Variants in SLCO1A2 observed in about 807,000 individuals in gnomAD.
SLCO1A2 encodes OATP-1.
In SLCO1A2, 67 loss-of-function variants were observed where a neutral mutation model predicts 69.0. That is an observed-to-expected ratio of 0.97 (90% CI 0.80 to 1.19). The LOEUF (loss-of-function observed/expected upper bound fraction) is 1.19, where lower values mean the gene tolerates loss of function less well. Among genes scored for constraint, SLCO1A2 ranks in the 50% most tolerant of loss-of-function variants. The pLI is 0.00. For synonymous variants in SLCO1A2, 260 were observed against 265.9 expected, an observed-to-expected ratio of 0.98 and a Z score of 0.22; for missense variants, 787 against 793.7, an observed-to-expected ratio of 0.99 and a Z score of 0.10.
intron 2 of SLCO1A2, among the ~76,000 whole-genome samples, chr12:21,372,024 A>G (rs1320422309): frequency 1.3e-5 from 2 of 152,086 alleles, no homozygotes; most frequent in Non-Finnish European, 2.9e-5. Flanking sequence ...AAAAAAAAAG[A>G]AAGAGAGAAA....
chr12:21,304,135 A>C (rs1949059599), intron 6 of SLCO1A2, among the ~76,000 whole-genome samples: 1 of 152,190 alleles, frequency 6.6e-6, no homozygotes, highest in Non-Finnish European at 1.5e-5. Context: ...AAACATTTGC[A>C]AATCTCTTAA....
chr12:21,355,504 G>A (rs1938296399), intron 2 of SLCO1A2, among the ~76,000 whole-genome samples: 1 of 152,150 alleles, frequency 6.6e-6, no homozygotes, highest in South Asian at 2.1e-4. Context: ...ACAAGGCCTA[G>A]GATCTGGGAG....
At chr12:21,377,683 T>G (rs761922595) in intron 1 of SLCO1A2, among the ~76,000 whole-genome samples, 32 of 152,200 alleles carry the variant, frequency 2.1e-4, no homozygotes, top group Non-Finnish European at 4.0e-4. Context: ...ACTAGCTTCT[T>G]TCACTCAACC....
In SLCO1A2 at chr12:21,275,421, A is replaced by G; in HGVS notation, c.1614T>C (p.Cys538=). 3 of 1,486,160 alleles carry G rather than the reference A, an allele frequency of 2.0e-6. No individual in the cohort carries two copies. Among genetic ancestry groups the G allele is most frequent in the Non-Finnish European group, 2.7e-6 (3 of 1,105,444 alleles). 92.1% of individuals were successfully genotyped at this position (1,486,160 alleles called of 1,614,324 possible). Reference sequence around the variant, plus strand: ...CAAGGGACTTCTCTTCAGATTTCATACACCTGAAAAGTAAATAAGTTTGTA... The same window carrying G: ...CAAGGGACTTCTCTTCAGATTTCATGCACCTGAAAAGTAAATAAGTTTGTA... ...AIPGYMVLLR[C]MKSEEKSLGV... Residue 538 remains cysteine, a synonymous_variant, in exon 13 of 15, where the codon TGT becomes TGC. Transcript: ENST00000683939.
At chr12:21,311,407 T>C (rs1468346272) in intron 4 of SLCO1A2, among the ~76,000 whole-genome samples, 1 of 152,034 alleles carries the variant, frequency 6.6e-6, no homozygotes, top group Non-Finnish European at 1.5e-5. Context: ...CTTAGATCCA[T>C]CAGAAGAATC....
At chr12:21,411,290 T>C (rs1343790567) in intron 1 of SLCO1A2, among the ~76,000 whole-genome samples, 2 of 152,180 alleles carry the variant, frequency 1.3e-5, no homozygotes, top group Non-Finnish European at 2.9e-5. Flanking sequence ...CTACCTGGAG[T>C]TTATTTTTTG....
intron 6 of SLCO1A2, among the ~76,000 whole-genome samples, chr12:21,302,373 T>C (rs1204210754): frequency 1.3e-5 from 2 of 152,216 alleles, no homozygotes; most frequent in African/African-American, 4.8e-5. Flanking sequence ...AGAGTTTCAT[T>C]AAACTATACA....
At chr12:21,282,523 C>G (rs1483016986) in intron 12 of SLCO1A2, among the ~76,000 whole-genome samples, 1 of 152,066 alleles carries the variant, frequency 6.6e-6, no homozygotes, top group Admixed American at 6.6e-5. Context: ...ATTCTGTAAT[C>G]TGGGACATAA....
At chr12:21,404,572 C>CT (rs1472191002) in intron 1 of SLCO1A2, among the ~76,000 whole-genome samples, 1 of 152,118 alleles carries the variant, frequency 6.6e-6, no homozygotes, top group Non-Finnish European at 1.5e-5. Context: ...GATCTCATTC[C>CT]TTTTCATGGC....
In SLCO1A2 at chr12:21,268,984, A is replaced by T. The variant is rs1942351247; in HGVS notation, c.*564T>A. ...GTAATAAAGAAAAGAAAAAATTGAAAGTAGGAGGGTATATTTATGAGTAAT... is the reference window on the plus strand; with the variant it reads ...GTAATAAAGAAAAGAAAAAATTGAATGTAGGAGGGTATATTTATGAGTAAT... On this transcript the variant is annotated 3_prime_UTR_variant, in exon 15 of 15. Coordinates refer to ENST00000683939, the MANE Select transcript of SLCO1A2 (RefSeq NM_001386879.1). 6.6e-6 allele frequency: 1 copy of T among 152,024 alleles called. No individual in the cohort carries two copies. The highest frequency in any genetic ancestry group is 2.4e-5 in the African/African-American group (1 of 41,436). The allele number at this position is 152,024 out of a possible 1,614,324, so 9.4% of individuals were successfully genotyped here. A position where few individuals can be genotyped will look rare whatever the true frequency, so the allele number is the denominator to read the frequency against.
intron 2 of SLCO1A2, among the ~76,000 whole-genome samples, chr12:21,353,829 T>C (rs1285848901): frequency 1.3e-5 from 2 of 152,210 alleles, no homozygotes; most frequent in African/African-American, 2.4e-5. Flanking sequence ...TATTTGCCAG[T>C]GAAAATTGAA....
At chr12:21,406,884 G>A (rs577868545) in intron 1 of SLCO1A2, among the ~76,000 whole-genome samples, 1 of 152,252 alleles carries the variant, frequency 6.6e-6, no homozygotes, top group South Asian at 2.1e-4. Flanking sequence ...CTGTTAGAAT[G>A]TTCAAAGCAG....
chr12:21,339,930 A>G (rs1953012281), intron 2 of SLCO1A2, among the ~76,000 whole-genome samples: 1 of 152,016 alleles, frequency 6.6e-6, no homozygotes. Flanking sequence ...CAACACAACC[A>G]TAATCATTGC....
rs149143464 is a variant in SLCO1A2 at position 21,318,828 on chromosome 12, G to A, written c.156C>T (p.Asn52=). Residue 52 remains asparagine (N), a synonymous_variant, in exon 3 of 15, where the codon AAC becomes AAT. Coordinates refer to ENST00000683939, the MANE Select transcript of SLCO1A2 (RefSeq NM_001386879.1). ...TGAATCCAACTAGAGATGTTGGGAT[G>A]TTGAATTGTCTCTCTATTTGTGTGA... ...SMLTQIERQF[N]IPTSLVGFIN... 1.8e-5 allele frequency: 29 copies of A among 1,610,706 alleles called. No homozygotes were observed. The African/African-American group carries it at 3.7e-4, about 21-fold the overall frequency.
chr12:21,402,694 G>T (rs1255618750), intron 1 of SLCO1A2, among the ~76,000 whole-genome samples: 2 of 152,040 alleles, frequency 1.3e-5, no homozygotes, highest in African/African-American at 4.8e-5. Flanking sequence ...ATAGTTCATA[G>T]TTAAATGATT....
chr12:21,315,697 G>T (rs1238197647), intron 3 of SLCO1A2, among the ~76,000 whole-genome samples: 1 of 152,054 alleles, frequency 6.6e-6, no homozygotes, highest in Non-Finnish European at 1.5e-5. Flanking sequence ...GCGCCCCACC[G>T]CAATAACTAT....
chr12:21,278,117 T>C (rs1023972319), intron 12 of SLCO1A2, among the ~76,000 whole-genome samples: 14 of 152,230 alleles, frequency 9.2e-5, no homozygotes, highest in Admixed American at 5.9e-4. Flanking sequence ...GTATTCCCTG[T>C]GGGCCTGTGG....
chr12:21,342,288 C>G (rs964056654), intron 2 of SLCO1A2, among the ~76,000 whole-genome samples: 8 of 151,752 alleles, frequency 5.3e-5, no homozygotes, highest in Non-Finnish European at 7.4e-5. Flanking sequence ...GCTTCAAGAC[C>G]TATTTTTGAA....
chr12:21,314,751 C>A, intron 3 of SLCO1A2, 70 bp from the exon 4 acceptor site: 1 of 1,144,878 alleles, frequency 8.7e-7, no homozygotes. Flanking sequence ...CTCACCCAAT[C>A]ATTTACATTC....
Sources: allele counts gnomAD v4.1 joint callset (sites outside exome capture counted in the v4.1 genomes callset), GRCh38; gene constraint gnomAD v4.1.1; transcripts MANE v1.5; gene names NCBI Gene and HGNC (gene_info 2026-07-23, HGNC 2026-07-21).